MGAT4C: variants seen among roughly 807,000 people sequenced by gnomAD.
The protein encoded by MGAT4C is alpha-1,3-mannosyl-glycoprotein 4-beta-N-acetylglucosaminyltransferase C.
MGAT4C carries 19 observed loss-of-function variants against 40.1 expected under a neutral mutation model. That is an observed-to-expected ratio of 0.47 (90% CI 0.33 to 0.70). The LOEUF is 0.70. Among genes scored for constraint, MGAT4C ranks in the 30% least tolerant of loss-of-function variants. MGAT4C has a pLI of 0.02. For synonymous variants in MGAT4C, 181 were observed against 187.1 expected, an observed-to-expected ratio of 0.97 and a Z score of 0.27; for missense variants, 491 against 563.2, an observed-to-expected ratio of 0.87 and a Z score of 1.30.
At chr12:86,768,706 T>C (rs1271874792) in intron 1 of MGAT4C, among the ~76,000 whole-genome samples, 1 of 151,964 alleles carries the variant, frequency 6.6e-6, no homozygotes, top group African/African-American at 2.4e-5. Flanking sequence ...CCCTCAGAAA[T>C]AACGCCGCAT....
At chr12:86,537,310 A>G (rs915943978) in intron 2 of MGAT4C, among the ~76,000 whole-genome samples, 1 of 152,038 alleles carries the variant, frequency 6.6e-6, no homozygotes, top group Non-Finnish European at 1.5e-5. Context: ...AACATGGCAC[A>G]TGTATACATA....
rs183027460 is a variant in MGAT4C, at chr12:86,191,724, T to C, written c.-57+64515A>G. 1.2e-3 allele frequency among the ~76,000 whole-genome samples: 168 copies of C among 137,286 alleles called. 2 individuals carry two copies. Among genetic ancestry groups the C allele is most frequent in the African/African-American group, 4.3e-3 (157 of 36,206 alleles). 90.1% of individuals were successfully genotyped at this position (137,286 alleles called of 152,430 possible). ...GCTACTTACAGGATAAGACTACTTA[T>C]GGGTTAAGTTTGCTACAGGAGATAA... On this transcript the variant is annotated intron_variant, in intron 1 of 4. Coordinates refer to ENST00000611864, the MANE Select transcript of MGAT4C (RefSeq NM_001351288.2).
intron 2 of MGAT4C, among the ~76,000 whole-genome samples, chr12:86,001,144 C>G (rs1346585104): frequency 2.0e-5 from 3 of 152,136 alleles, no homozygotes; most frequent in Non-Finnish European, 4.4e-5. Flanking sequence ...ACCACTATCT[C>G]CCAGGTAATA....
intron 2 of MGAT4C, among the ~76,000 whole-genome samples, chr12:86,694,072 C>T (rs1011342606): frequency 2.6e-5 from 4 of 152,092 alleles, no homozygotes; most frequent in African/African-American, 9.7e-5. Flanking sequence ...AATTATTCTG[C>T]CACATGTACT....
At chr12:86,381,129 A>G (rs1351547082) in intron 3 of MGAT4C, among the ~76,000 whole-genome samples, 2 of 152,086 alleles carry the variant, frequency 1.3e-5, no homozygotes, top group Non-Finnish European at 2.9e-5. Context: ...AAAAAAGCAT[A>G]CCACTATAGT....
chr12:86,064,311 T>C lies in MGAT4C; in HGVS notation c.-56-14588A>G, dbSNP rs558866931. On this transcript the variant is annotated intron_variant, in intron 1 of 4. Transcript: ENST00000611864. ...AGGAGAATGGCATGAACCTGGGAGGTGGAACTTGCAGTGAGCCAAGATCAC... is the reference window on the plus strand; with the variant it reads ...AGGAGAATGGCATGAACCTGGGAGGCGGAACTTGCAGTGAGCCAAGATCAC... Among the ~76,000 whole-genome samples, 5 of 151,946 alleles carry C rather than the reference T, an allele frequency of 3.3e-5. No homozygotes were observed. The South Asian group carries it at 1.0e-3, about 32-fold the overall frequency.
At chr12:86,356,734 A>G (rs1020035970) in intron 3 of MGAT4C, among the ~76,000 whole-genome samples, 2 of 151,926 alleles carry the variant, frequency 1.3e-5, no homozygotes, top group African/African-American at 2.4e-5. Flanking sequence ...CTAGCACTGC[A>G]GTCTGAGATC....
At chr12:86,098,545 G>T (rs1356643359) in intron 1 of MGAT4C, among the ~76,000 whole-genome samples, 1 of 151,522 alleles carries the variant, frequency 6.6e-6, no homozygotes, top group Non-Finnish European at 1.5e-5. Flanking sequence ...ATGGCTAGAA[G>T]GTAGAAACTA....
intron 1 of MGAT4C, among the ~76,000 whole-genome samples, chr12:86,822,010 GAC>G (rs1952714471): frequency 6.6e-6 from 1 of 150,886 alleles, no homozygotes; most frequent in African/African-American, 2.4e-5. Flanking sequence ...TATGTTTAAA[GAC>G]ACAATACGAC....
chr12:86,659,022 T>G (rs994207774), intron 2 of MGAT4C, among the ~76,000 whole-genome samples: 3 of 152,144 alleles, frequency 2.0e-5, no homozygotes, highest in Non-Finnish European at 2.9e-5. Flanking sequence ...TAATGTGTAA[T>G]ATTAGCAATA....
intron 1 of MGAT4C, among the ~76,000 whole-genome samples, chr12:86,132,621 G>A (rs1170675190): frequency 1.3e-5 from 2 of 151,780 alleles, no homozygotes; most frequent in East Asian, 3.9e-4. Flanking sequence ...ATGAAACCCC[G>A]TCTCTACTAA....
At chr12:86,484,267 T>C (rs996663249) in intron 2 of MGAT4C, among the ~76,000 whole-genome samples, 1 of 152,146 alleles carries the variant, frequency 6.6e-6, no homozygotes, top group African/African-American at 2.4e-5. Flanking sequence ...CTCTAGAGGC[T>C]TTCTGTCTTT....
chr12:86,748,457 T>C (rs1005330583), intron 1 of MGAT4C, among the ~76,000 whole-genome samples: 5 of 151,708 alleles, frequency 3.3e-5, no homozygotes, highest in African/African-American at 1.2e-4. Flanking sequence ...GTACCTAACA[T>C]GCAAACCTAT....
At chr12:86,183,575 C>A (rs534402174) in intron 1 of MGAT4C, among the ~76,000 whole-genome samples, 1 of 152,214 alleles carries the variant, frequency 6.6e-6, no homozygotes, top group East Asian at 1.9e-4. Context: ...GCTACCATAA[C>A]AAGAACATCA....
rs1228829191 is a variant in MGAT4C at position 86,700,166 on chromosome 12, CAGACAGACAGACAGAT to C, written c.-229+27027_-229+27042del. 5.2e-3 allele frequency among the ~76,000 whole-genome samples: 495 copies of C among 94,412 alleles called. 2 individuals carry two copies. The highest frequency in any genetic ancestry group is 9.3e-3 in the Admixed American group (90 of 9,690). The allele number at this position is 94,412 out of a possible 152,430, so 61.9% of individuals were successfully genotyped here. A position where few individuals can be genotyped will look rare whatever the true frequency, so the allele number is the denominator to read the frequency against. On this transcript the variant is annotated intron_variant, in intron 2 of 7. Coordinates refer to the MGAT4C transcript ENST00000548651. ...ACAGACAGACAGACAGACAGACAGACAGACAGACAGACAGATAGATAGATAGATAGATAGATAGATA... is the reference window on the plus strand; with the variant it reads ...ACAGACAGACAGACAGACAGACAGACAGATAGATAGATAGATAGATAGATA...
intron 2 of MGAT4C, among the ~76,000 whole-genome samples, chr12:86,455,816 G>A (rs1270658676): frequency 6.6e-6 from 1 of 151,960 alleles, no homozygotes; most frequent in Non-Finnish European, 1.5e-5. Context: ...AAACAGCCAG[G>A]TGTGTTCCTA....
chr12:85,963,815 A>T lies in MGAT4C; in HGVS notation c.*15474T>A, dbSNP rs536468593. 2 of 152,142 alleles carry T rather than the reference A, an allele frequency of 1.3e-5. No individual in the cohort carries two copies. The highest frequency in any genetic ancestry group is 2.4e-5 in the African/African-American group (1 of 41,534). 9.4% of individuals were successfully genotyped at this position (152,142 alleles called of 1,614,324 possible). A position where few individuals can be genotyped will look rare whatever the true frequency, so the allele number is the denominator to read the frequency against. Reference sequence around the variant, plus strand: ...ATTATTTATGTTAAATCATACATAAACAGTAAAGCCAACACAATAAGTAAA... The same window carrying T: ...ATTATTTATGTTAAATCATACATAATCAGTAAAGCCAACACAATAAGTAAA... On this transcript the variant is annotated 3_prime_UTR_variant, in exon 5 of 5. Transcript: ENST00000611864.
At chr12:86,425,211 AT>A (rs1434376096) in intron 3 of MGAT4C, among the ~76,000 whole-genome samples, 1 of 152,166 alleles carries the variant, frequency 6.6e-6, no homozygotes, top group Non-Finnish European at 1.5e-5. Context: ...TTTCATCATA[AT>A]TTAAGAAGAA....
intron 2 of MGAT4C, among the ~76,000 whole-genome samples, chr12:86,569,090 A>C (rs1960256735): frequency 6.6e-6 from 1 of 150,660 alleles, no homozygotes; most frequent in Non-Finnish European, 1.5e-5. Flanking sequence ...AATTAGAAGA[A>C]TATATATATA....
Sources: gnomAD v4.1 joint callset for allele counts (sites outside exome capture counted in the v4.1 genomes callset) on GRCh38, gnomAD v4.1.1 for gene constraint, MANE v1.5 for transcripts, NCBI Gene and HGNC (gene_info 2026-07-23, HGNC 2026-07-21) for gene names.